Variants in LRRC4C observed in about 807,000 individuals in gnomAD.
LRRC4C encodes leucine rich repeat containing 4C, also known as leucine-rich repeat-containing protein 4C.
Under a neutral mutation model 33.6 loss-of-function variants are expected in LRRC4C, and 5 were observed. That is an observed-to-expected ratio of 0.15 (90% CI 0.08 to 0.31). The LOEUF (loss-of-function observed/expected upper bound fraction) is 0.31, where lower values mean the gene tolerates loss of function less well. Ranked by LOEUF, LRRC4C falls within the 10% of genes least tolerant of loss-of-function variation. The pLI, the probability that LRRC4C is intolerant of heterozygous loss-of-function variation, is 1.00. For missense variants in LRRC4C, 560 were observed against 796.7 expected (o/e 0.70, Z 3.58); for synonymous variants, 329 against 302.0 (o/e 1.09, Z -0.93).
chr11:40,222,799 G>A (rs1358874269), intron 5 of LRRC4C, among the ~76,000 whole-genome samples: 1 of 152,158 alleles, frequency 6.6e-6, no homozygotes, highest in Admixed American at 6.5e-5. Context: ...GGCTTAGAGT[G>A]GGAAAGGGTC....
chr11:41,070,205 G>A (rs1355960843), intron 1 of LRRC4C, among the ~76,000 whole-genome samples: 5 of 152,076 alleles, frequency 3.3e-5, no homozygotes, highest in South Asian at 2.1e-4. Flanking sequence ...TGAGAAAACC[G>A]GCTAGCCATA....
intron 1 of LRRC4C, among the ~76,000 whole-genome samples, chr11:40,957,259 A>G (rs1167966757): frequency 6.6e-6 from 1 of 151,744 alleles, no homozygotes; most frequent in African/African-American, 2.4e-5. Flanking sequence ...CTATAAAATA[A>G]GGTGCAAGTC....
rs917693084 is a variant in LRRC4C at position 41,411,217 on chromosome 11, C to T, written c.-496+48214G>A. On this transcript the variant is annotated intron_variant, in intron 1 of 6. Transcript: ENST00000528697. ...AGGCTGGAGTGCAGTGGCGCCATCT[C>T]GGCTCATTGCAAGCTCTGCCTCCCA... is the stretch of plus-strand genomic sequence containing the variant. Among the ~76,000 whole-genome samples, 28 of 134,768 alleles carry T rather than the reference C, an allele frequency of 2.1e-4. 1 individual carries two copies. Among genetic ancestry groups the T allele is most frequent in the East Asian group, 7.1e-4 (3 of 4,254 alleles). 88.4% of individuals were successfully genotyped at this position (134,768 alleles called of 152,430 possible).
At chr11:40,650,694 A>G (rs941088858) in intron 2 of LRRC4C, among the ~76,000 whole-genome samples, 5 of 152,172 alleles carry the variant, frequency 3.3e-5, no homozygotes, top group Middle Eastern at 3.4e-3. Context: ...AATTCACAGT[A>G]CTCTTTTAAC....
intron 4 of LRRC4C, among the ~76,000 whole-genome samples, chr11:40,263,011 A>G (rs767228576): frequency 6.6e-6 from 1 of 151,800 alleles, no homozygotes; most frequent in Non-Finnish European, 1.5e-5. Context: ...TTTTTTGGCC[A>G]GAGCTTACAT....
chr11:40,396,576 T>C (rs1180464221), intron 3 of LRRC4C, among the ~76,000 whole-genome samples: 1 of 152,108 alleles, frequency 6.6e-6, no homozygotes, highest in Non-Finnish European at 1.5e-5. Context: ...GTAAAATTGA[T>C]GCCAAAATAT....
At chr11:41,243,174 A>G (rs1163939889) in intron 1 of LRRC4C, among the ~76,000 whole-genome samples, 1 of 152,164 alleles carries the variant, frequency 6.6e-6, no homozygotes, top group Non-Finnish European at 1.5e-5. Flanking sequence ...CTCATGATTC[A>G]GTGATTCTTT....
At chr11:40,431,928 G>A (rs1160948523) in intron 3 of LRRC4C, among the ~76,000 whole-genome samples, 1 of 152,112 alleles carries the variant, frequency 6.6e-6, no homozygotes. Context: ...TACCCTTGCA[G>A]GCTAGTTCCA....
At chr11:40,969,668 T>C (rs1851590804) in intron 1 of LRRC4C, among the ~76,000 whole-genome samples, 1 of 152,128 alleles carries the variant, frequency 6.6e-6, no homozygotes. Flanking sequence ...ATTAGCACTT[T>C]ATGGAAAAAG....
intron 2 of LRRC4C, among the ~76,000 whole-genome samples, chr11:40,917,597 C>T (rs958700429): frequency 6.6e-6 from 1 of 152,092 alleles, no homozygotes; most frequent in African/African-American, 2.4e-5. Context: ...GCTTTAGCAT[C>T]ATCCAGATCC....
intron 2 of LRRC4C, among the ~76,000 whole-genome samples, chr11:40,885,477 G>A (rs1337120485): frequency 6.6e-6 from 1 of 151,956 alleles, no homozygotes; most frequent in African/African-American, 2.4e-5. Context: ...GGCTTATGTT[G>A]AGACATGTTT....
intron 1 of LRRC4C, among the ~76,000 whole-genome samples, chr11:41,249,534 A>G (rs985132787): frequency 3.3e-5 from 5 of 152,138 alleles, no homozygotes; most frequent in African/African-American, 1.2e-4. Flanking sequence ...CATGACTTAT[A>G]GCATCCTACC....
At chr11:40,659,894 T>C (rs1943338775) in intron 2 of LRRC4C, among the ~76,000 whole-genome samples, 1 of 152,224 alleles carries the variant, frequency 6.6e-6, no homozygotes, top group African/African-American at 2.4e-5. Flanking sequence ...GGACAAGTAC[T>C]CAGGATGTAC....
intron 2 of LRRC4C, among the ~76,000 whole-genome samples, chr11:40,751,080 AAAAAG>A (rs200660104): frequency 0.032 from 4,795 of 151,560 alleles, 76 homozygotes; most frequent in South Asian, 0.038. Context: ...CTTTATGAAA[AAAAAG>A]AATCTTAATC....
At chr11:40,746,011 C>A (rs1359944118) in intron 2 of LRRC4C, among the ~76,000 whole-genome samples, 1 of 152,042 alleles carries the variant, frequency 6.6e-6, no homozygotes, top group African/African-American at 2.4e-5. Flanking sequence ...AATAGATCAG[C>A]CAAGAGAGAA....
intron 1 of LRRC4C, among the ~76,000 whole-genome samples, chr11:41,054,502 C>T (rs887720953): frequency 2.0e-5 from 3 of 152,106 alleles, no homozygotes; most frequent in African/African-American, 7.2e-5. Context: ...GTTGCTGTCA[C>T]CACCAGGGTG....
chr11:40,318,142 A>G (rs1169579743), intron 4 of LRRC4C, among the ~76,000 whole-genome samples: 1 of 152,100 alleles, frequency 6.6e-6, no homozygotes, highest in African/African-American at 2.4e-5. Flanking sequence ...TCAAATATAG[A>G]TATCACCTCC....
At chr11:41,353,388 C>A (rs560242798) in intron 1 of LRRC4C, among the ~76,000 whole-genome samples, 46 of 151,976 alleles carry the variant, frequency 3.0e-4, no homozygotes, top group African/African-American at 1.1e-3. Context: ...AAATAACATA[C>A]CAATAAGAAA....
intron 1 of LRRC4C, among the ~76,000 whole-genome samples, chr11:41,100,716 A>G (rs1397532685): frequency 6.6e-6 from 1 of 152,192 alleles, no homozygotes. Context: ...GGAACCAAAA[A>G]GGAGCATGAA....
Sources: allele counts gnomAD v4.1 joint callset (sites outside exome capture counted in the v4.1 genomes callset), GRCh38; gene constraint gnomAD v4.1.1; transcripts MANE v1.5; gene names NCBI Gene and HGNC (gene_info 2026-07-23, HGNC 2026-07-21).